Variants in DIAPH2 observed in about 807,000 individuals in gnomAD.
DIAPH2 encodes the protein protein diaphanous homolog 2.
DIAPH2 carries 35 observed loss-of-function variants against 92.7 expected under a neutral mutation model. That is an observed-to-expected ratio of 0.38 (90% CI 0.29 to 0.50). DIAPH2 has a LOEUF of 0.50. Ranked by LOEUF, DIAPH2 falls within the 20% of genes least tolerant of loss-of-function variation. The probability of loss-of-function intolerance (pLI) is 0.94; values close to 1 mark genes in which losing one functional copy is unlikely to be tolerated. For synonymous variants in DIAPH2, 301 were observed against 280.4 expected (o/e 1.07, Z -0.73); for missense variants, 701 against 819.5 (o/e 0.86, Z 1.77).
At chrX:96,918,859 T>C (rs1374456847) in intron 9 of DIAPH2, among the ~76,000 whole-genome samples, 1 of 112,058 alleles carries the variant, frequency 8.9e-6, no homozygotes, top group Non-Finnish European at 1.9e-5. Context: ...ATTAATGTAA[T>C]AAACCAGGGA....
At chrX:97,034,653 A>G (rs1051810061) in intron 17 of DIAPH2, among the ~76,000 whole-genome samples, 1 of 111,615 alleles carries the variant, frequency 9.0e-6, no homozygotes, top group Non-Finnish European at 1.9e-5. Context: ...GTTTTTTTTA[A>G]CATAACCTCC....
At chrX:97,183,005 A>G (rs1207489973) in intron 22 of DIAPH2, among the ~76,000 whole-genome samples, 3 of 111,748 alleles carry the variant, frequency 2.7e-5, no homozygotes, top group Non-Finnish European at 5.6e-5. Flanking sequence ...TTTGGTGAAT[A>G]CCTCATTTAA....
At chrX:97,180,326 C>A (rs1012735560) in intron 22 of DIAPH2, among the ~76,000 whole-genome samples, 4 of 111,906 alleles carry the variant, frequency 3.6e-5, no homozygotes, top group Admixed American at 1.9e-4. Context: ...CTGTTCATAT[C>A]CTTTGCCCAG....
chrX:97,326,677 T>C (rs1252491002), intron 23 of DIAPH2, among the ~76,000 whole-genome samples: 2 of 112,642 alleles, frequency 1.8e-5, no homozygotes, highest in Non-Finnish European at 3.7e-5. Context: ...AGTTTGTGGT[T>C]TGCAGTTCTG....
chrX:97,514,138 C>T (rs1279123302), intron 26 of DIAPH2, among the ~76,000 whole-genome samples: 15 of 105,980 alleles, frequency 1.4e-4, no homozygotes, highest in Admixed American at 1.1e-3. Context: ...CCATCACTTT[C>T]AGGTACACCA....
chrX:97,281,224 C>T (rs900186252), intron 23 of DIAPH2, among the ~76,000 whole-genome samples: 1 of 111,326 alleles, frequency 9.0e-6, no homozygotes, highest in African/African-American at 3.3e-5. Flanking sequence ...TATATAAACA[C>T]AACGTTGGAA....
At chrX:97,355,911 A>G (rs892910365) in intron 24 of DIAPH2, among the ~76,000 whole-genome samples, 2 of 111,892 alleles carry the variant, frequency 1.8e-5, no homozygotes, top group African/African-American at 6.5e-5. Flanking sequence ...AAATATAGCA[A>G]TGAACAAAAC....
intron 26 of DIAPH2, among the ~76,000 whole-genome samples, chrX:97,436,204 C>T (rs2070185073): frequency 9.0e-6 from 1 of 111,597 alleles, no homozygotes; most frequent in African/African-American, 3.3e-5. Flanking sequence ...TCAACCAACC[C>T]GACTTTTTTA....
At chrX:97,053,853 A>AT (rs1378963419) in intron 17 of DIAPH2, among the ~76,000 whole-genome samples, 1 of 111,791 alleles carries the variant, frequency 8.9e-6, no homozygotes, top group Non-Finnish European at 1.9e-5. Flanking sequence ...GTGATTTTTG[A>AT]TTTTTCAGTT....
intron 4 of DIAPH2, among the ~76,000 whole-genome samples, chrX:96,873,715 C>T (rs2065160170): frequency 9.1e-6 from 1 of 109,918 alleles, no homozygotes; most frequent in East Asian, 2.8e-4. Flanking sequence ...TATATACACA[C>T]ACACATATAT....
chrX:97,288,539 C>T (rs1778383054), intron 23 of DIAPH2, among the ~76,000 whole-genome samples: 1 of 109,785 alleles, frequency 9.1e-6, no homozygotes, highest in Non-Finnish European at 1.9e-5. Context: ...GTCAGGAGTT[C>T]GAGAACAGCC....
chrX:97,493,193 G>T, intron 26 of DIAPH2, among the ~76,000 whole-genome samples: 1 of 111,842 alleles, frequency 8.9e-6, no homozygotes, highest in Non-Finnish European at 1.9e-5. Flanking sequence ...TGATTTTTCA[G>T]TTCAGTCACT....
chrX:96,785,209 A>G (rs1000059036), intron 4 of DIAPH2, among the ~76,000 whole-genome samples: 5 of 111,628 alleles, frequency 4.5e-5, no homozygotes, highest in African/African-American at 1.6e-4. Flanking sequence ...AATAGATACT[A>G]GGTGAAAGGG....
At chrX:97,044,699 A>C (rs1024837675) in intron 17 of DIAPH2, among the ~76,000 whole-genome samples, 1 of 110,874 alleles carries the variant, frequency 9.0e-6, no homozygotes, top group Non-Finnish European at 1.9e-5. Flanking sequence ...CAGCATACTA[A>C]CATGCTCTAG....
At chrX:96,992,213 T>C (rs1294937025) in intron 17 of DIAPH2, among the ~76,000 whole-genome samples, 1 of 111,529 alleles carries the variant, frequency 9.0e-6, no homozygotes, top group East Asian at 2.8e-4. Flanking sequence ...ATGATGATTA[T>C]AGAGGAGTTG....
intron 17 of DIAPH2, among the ~76,000 whole-genome samples, chrX:96,976,519 A>G (rs1332836961): frequency 9.1e-6 from 1 of 109,561 alleles, no homozygotes; most frequent in Non-Finnish European, 1.9e-5. Flanking sequence ...TTTTTTTTTC[A>G]TTATGGACAT....
At chrX:97,327,383 G>A (rs1398848056) in intron 23 of DIAPH2, among the ~76,000 whole-genome samples, 1 of 110,929 alleles carries the variant, frequency 9.0e-6, no homozygotes, top group Non-Finnish European at 1.9e-5. Flanking sequence ...ACAGGCATGA[G>A]CTACCGCGCC....
At chrX:96,718,704 C>T (rs1214015082) in intron 1 of DIAPH2, among the ~76,000 whole-genome samples, 5 of 111,174 alleles carry the variant, frequency 4.5e-5, no homozygotes, top group Non-Finnish European at 9.4e-5. Flanking sequence ...AGGTTGCTTC[C>T]AAATCTTGGC....
intron 19 of DIAPH2, among the ~76,000 whole-genome samples, chrX:97,080,646 T>C (rs978534335): frequency 7.2e-5 from 8 of 111,710 alleles, no homozygotes; most frequent in South Asian, 3.8e-4. Flanking sequence ...TAACTTATTA[T>C]TGGATACCGA....
Sources: gnomAD v4.1 joint callset for allele counts (sites outside exome capture counted in the v4.1 genomes callset) on GRCh38, gnomAD v4.1.1 for gene constraint, MANE v1.5 for transcripts, NCBI Gene and HGNC (gene_info 2026-07-23, HGNC 2026-07-21) for gene names.